Variants in EPHA6 observed in about 807,000 individuals in gnomAD.
The protein encoded by EPHA6 is ephrin type-A receptor 6.
In EPHA6, 50 loss-of-function variants were observed where a neutral mutation model predicts 112.0. That is an observed-to-expected ratio of 0.45 (90% CI 0.36 to 0.56). EPHA6 has a LOEUF of 0.56. EPHA6 is among the 20% of genes least tolerant of loss of function. EPHA6 has a pLI of 0.00. For missense variants in EPHA6, 1,280 were observed against 1,417.4 expected (o/e 0.90, Z 1.56); for synonymous variants, 529 against 490.7 (o/e 1.08, Z -1.03).
At chr3:97,056,785 T>A (rs145560249) in intron 3 of EPHA6, among the ~76,000 whole-genome samples, 6 of 152,296 alleles carry the variant, frequency 3.9e-5, no homozygotes, top group African/African-American at 1.4e-4. Flanking sequence ...CTTCCATTTC[T>A]CTGTAAAGTG....
chr3:97,342,144 T>C (rs978113892), intron 5 of EPHA6, among the ~76,000 whole-genome samples: 1 of 152,206 alleles, frequency 6.6e-6, no homozygotes, highest in East Asian at 1.9e-4. Context: ...TTCTCCCTTT[T>C]ACTTTCGAAT....
At chr3:97,033,399 C>T (rs905404540) in intron 3 of EPHA6, among the ~76,000 whole-genome samples, 7 of 152,050 alleles carry the variant, frequency 4.6e-5, no homozygotes, top group East Asian at 3.9e-4. Flanking sequence ...GCTGGTCAGT[C>T]GGTCAGCACG....
At chr3:97,466,383 T>A in intron 7 of EPHA6, 2 of 1,608,964 alleles carry the variant, frequency 1.2e-6, no homozygotes, top group East Asian at 2.2e-5. Context: ...TTACATCCAG[T>A]CTAATTATTT....
chr3:97,425,892 T>C (rs930911981), intron 6 of EPHA6, among the ~76,000 whole-genome samples: 4 of 152,144 alleles, frequency 2.6e-5, no homozygotes, highest in African/African-American at 9.7e-5. Context: ...ATGCCTCCAG[T>C]TTCTTTGTAC....
At chr3:97,015,936 C>T (rs1430874806) in intron 3 of EPHA6, among the ~76,000 whole-genome samples, 1 of 151,916 alleles carries the variant, frequency 6.6e-6, no homozygotes, top group Non-Finnish European at 1.5e-5. Flanking sequence ...GTTTTTACAT[C>T]CATTTCAGAA....
At chr3:97,211,499 A>G (rs1427240762) in intron 3 of EPHA6, among the ~76,000 whole-genome samples, 1 of 152,208 alleles carries the variant, frequency 6.6e-6, no homozygotes, top group Non-Finnish European at 1.5e-5. Flanking sequence ...TCAAGGCACC[A>G]GAAGATCTGG....
At chr3:97,500,976 G>T (rs1009886883) in intron 10 of EPHA6, among the ~76,000 whole-genome samples, 8 of 151,696 alleles carry the variant, frequency 5.3e-5, no homozygotes, top group Non-Finnish European at 1.2e-4. Flanking sequence ...AAGCTCAAAG[G>T]GTTACCTACT....
At chr3:97,504,674 T>C (rs1330139283) in intron 10 of EPHA6, among the ~76,000 whole-genome samples, 3 of 152,174 alleles carry the variant, frequency 2.0e-5, no homozygotes, top group Non-Finnish European at 4.4e-5. Flanking sequence ...AGGACCCACC[T>C]AAACTGCCTG....
intron 14 of EPHA6, among the ~76,000 whole-genome samples, chr3:97,695,217 C>T (rs756668347): frequency 1.3e-5 from 2 of 152,178 alleles, no homozygotes; most frequent in Non-Finnish European, 2.9e-5. Context: ...TGGAAAACCA[C>T]AAGCCTGTTC....
At chr3:97,503,644 T>G (rs1221331865) in intron 10 of EPHA6, among the ~76,000 whole-genome samples, 1 of 152,228 alleles carries the variant, frequency 6.6e-6, no homozygotes, top group Non-Finnish European at 1.5e-5. Context: ...GGGAGATATT[T>G]CACTTTCACA....
intron 7 of EPHA6, among the ~76,000 whole-genome samples, chr3:97,459,823 T>A (rs2090825556): frequency 6.6e-6 from 1 of 152,320 alleles, no homozygotes; most frequent in Non-Finnish European, 1.5e-5. Flanking sequence ...TTGGGAATCA[T>A]CAATTTAAAT....
chr3:97,106,805 T>C (rs1576499389), intron 3 of EPHA6, among the ~76,000 whole-genome samples: 1 of 152,070 alleles, frequency 6.6e-6, no homozygotes, highest in South Asian at 2.1e-4. Flanking sequence ...CTGCGCTCCC[T>C]AGGGGTTTTG....
intron 5 of EPHA6, among the ~76,000 whole-genome samples, chr3:97,267,872 G>A (rs748078095): frequency 5.3e-5 from 8 of 152,106 alleles, no homozygotes; most frequent in Non-Finnish European, 1.0e-4. Flanking sequence ...AATGCATGAC[G>A]AGATAAAGAT....
At chr3:97,039,672 G>A (rs1291760660) in intron 3 of EPHA6, among the ~76,000 whole-genome samples, 1 of 151,966 alleles carries the variant, frequency 6.6e-6, no homozygotes, top group Non-Finnish European at 1.5e-5. Context: ...GGAGAAATAA[G>A]ATGGTTTTTC....
At chr3:96,892,607 G>A (rs1010267737) in intron 2 of EPHA6, among the ~76,000 whole-genome samples, 1 of 151,766 alleles carries the variant, frequency 6.6e-6, no homozygotes. Flanking sequence ...GGAATAATTG[G>A]TGAGTATTAT....
intron 7 of EPHA6, among the ~76,000 whole-genome samples, chr3:97,451,358 G>C (rs2090524521): frequency 6.6e-6 from 1 of 151,928 alleles, no homozygotes; most frequent in South Asian, 2.1e-4. Flanking sequence ...GTGATTGGGG[G>C]TGCAAGTTTA....
intron 3 of EPHA6, among the ~76,000 whole-genome samples, chr3:97,191,951 G>T (rs1343742239): frequency 6.6e-6 from 1 of 152,060 alleles, no homozygotes; most frequent in Non-Finnish European, 1.5e-5. Flanking sequence ...TCCTGCAAGA[G>T]CATATGAAGA....
At chr3:97,160,210 TG>T (rs913867935) in intron 3 of EPHA6, among the ~76,000 whole-genome samples, 6 of 151,938 alleles carry the variant, frequency 3.9e-5, no homozygotes, top group Non-Finnish European at 7.4e-5. Context: ...TCCTATCCAC[TG>T]GATTATTAAA....
At chr3:96,876,468 CCTT>C (rs1460860816) in intron 2 of EPHA6, among the ~76,000 whole-genome samples, 3 of 151,028 alleles carry the variant, frequency 2.0e-5, no homozygotes. Flanking sequence ...TTCTCCAGCC[CCTT>C]CTTCTGACCT....
Sources: allele counts gnomAD v4.1 joint callset (sites outside exome capture counted in the v4.1 genomes callset), GRCh38; gene constraint gnomAD v4.1.1; transcripts MANE v1.5; gene names NCBI Gene and HGNC (gene_info 2026-07-23, HGNC 2026-07-21).